EVC2: variants seen among roughly 807,000 people sequenced by gnomAD.
EVC2 encodes the protein limbin.
Under a neutral mutation model 149.3 loss-of-function variants are expected in EVC2, and 148 were observed. That is an observed-to-expected ratio of 0.99 (90% confidence interval 0.87 to 1.14). The LOEUF (loss-of-function observed/expected upper bound fraction) is 1.14. Ranked by LOEUF, EVC2 falls within the 50% of genes most tolerant of loss-of-function variation. The probability of loss-of-function intolerance (pLI) is 0.00; values close to 1 mark genes in which losing one functional copy is unlikely to be tolerated. For missense variants in EVC2, 1,854 were observed against 1,627.3 expected, an observed-to-expected ratio of 1.14 and a Z score of -2.40; for synonymous variants, 776 against 649.9, an observed-to-expected ratio of 1.19 and a Z score of -2.95.
chr4:5,600,559 G>A (rs974548075), intron 16 of EVC2, among the ~76,000 whole-genome samples: 3 of 152,130 alleles, frequency 2.0e-5, no homozygotes, highest in African/African-American at 7.2e-5. Context: ...AATGAGAGAG[G>A]AAACAACAGT....
intron 9 of EVC2, among the ~76,000 whole-genome samples, chr4:5,650,604 CATAT>C (rs66673359): frequency 0.038 from 2,013 of 52,660 alleles, 32 homozygotes; most frequent in South Asian, 0.064. Context: ...TTTTAATCGC[CATAT>C]ATATATATAT....
At chr4:5,658,013 T>C (rs1336815441) in intron 9 of EVC2, among the ~76,000 whole-genome samples, 1 of 152,120 alleles carries the variant, frequency 6.6e-6, no homozygotes, top group African/African-American at 2.4e-5. Context: ...ATTAGAAGCA[T>C]CCTCTCCAAG....
intron 7 of EVC2, among the ~76,000 whole-genome samples, chr4:5,672,714 CTG>C (rs1719727679): frequency 6.6e-6 from 1 of 152,218 alleles, no homozygotes; most frequent in Non-Finnish European, 1.5e-5. Context: ...GAACAAAAAT[CTG>C]TACTCGAATG....
rs199853556 is a variant in EVC2, at chr4:5,681,146, A to G, written c.870+114T>C. ...CTGCACAGAGTCCCAGTCTCAACGC[A>G]TAACTGGGGGACCAAGGCCAGCAGC... On this transcript the variant is annotated intron_variant, in intron 7 of 21. Coordinates refer to ENST00000344408, the MANE Select transcript of EVC2 (RefSeq NM_147127.5). 2.5e-6 allele frequency: 3 copies of G among 1,203,610 alleles called. No homozygotes were observed. The East Asian group carries it at 7.0e-5, about 28-fold the overall frequency. 74.6% of individuals were successfully genotyped at this position (1,203,610 alleles called of 1,614,324 possible).
intron 7 of EVC2, among the ~76,000 whole-genome samples, chr4:5,674,576 G>A (rs1040702093): frequency 6.6e-6 from 1 of 152,148 alleles, no homozygotes; most frequent in African/African-American, 2.4e-5. Context: ...AGCTGGCCAG[G>A]GGAGGGCTCG....
intron 16 of EVC2, among the ~76,000 whole-genome samples, chr4:5,591,712 T>C (rs2108797358): frequency 6.6e-6 from 1 of 152,350 alleles, no homozygotes; most frequent in East Asian, 1.9e-4. Context: ...AGTTTGTTAG[T>C]TCCAGCACCA....
At chr4:5,595,801 T>C (rs897342674) in intron 16 of EVC2, among the ~76,000 whole-genome samples, 3 of 152,208 alleles carry the variant, frequency 2.0e-5, no homozygotes, top group Non-Finnish European at 4.4e-5. Flanking sequence ...AAGACCCATC[T>C]GTGTGCTGTA....
chr4:5,687,062 G>A (rs1720768342), intron 5 of EVC2, among the ~76,000 whole-genome samples: 1 of 151,962 alleles, frequency 6.6e-6, no homozygotes, highest in African/African-American at 2.4e-5. Flanking sequence ...TTCGTGACCA[G>A]CCTGGGCAAT....
rs1297142587 is a variant in EVC2 at position 5,567,501 on chromosome 4, C to CTGCATCCTGGTGCAATGTT, written c.3557+924_3557+942dup. On this transcript the variant is annotated intron_variant, in intron 20 of 21. Transcript: ENST00000344408. The surrounding 1 kb of genome is among the most constrained non-coding windows in gnomAD (Gnocchi z 4.4). Reference sequence around the variant, plus strand: ...TGCATCCTTGCTGAGGCTGTGAGCTCTGCATCCTGGTGCAATGTTTTCATC... The same window carrying CTGCATCCTGGTGCAATGTT: ...TGCATCCTTGCTGAGGCTGTGAGCTCTGCATCCTGGTGCAATGTTTGCATCCTGGTGCAATGTTTTCATC... Among the ~76,000 whole-genome samples the CTGCATCCTGGTGCAATGTT allele has an allele frequency of 6.6e-6, 1 of 152,182 alleles. No homozygotes were observed.
chr4:5,608,572 C>T lies in EVC2; in HGVS notation c.2829+6850G>A, dbSNP rs114359311. Among the ~76,000 whole-genome samples, 976 of 150,936 alleles carry T rather than the reference C, an allele frequency of 6.5e-3. 8 individuals are homozygous for T. Among genetic ancestry groups the T allele is most frequent in the African/African-American group, 0.022 (903 of 41,078 alleles). ...TTAATGAGACAGAGTCTCGGTCGGT[C>T]GTCCAGGCTGGAGTGCAATGGCGCA... On this transcript the variant is annotated intron_variant, in intron 16 of 21. Coordinates refer to ENST00000344408, the MANE Select transcript of EVC2 (RefSeq NM_147127.5).
intron 3 of EVC2, among the ~76,000 whole-genome samples, chr4:5,693,334 T>C (rs556824857): frequency 6.6e-6 from 1 of 152,320 alleles, no homozygotes; most frequent in East Asian, 1.9e-4. Flanking sequence ...GAAGATGTAA[T>C]TAAACTAAGG....
chr4:5,620,824 G>A (rs537284095), intron 14 of EVC2, among the ~76,000 whole-genome samples: 1 of 152,312 alleles, frequency 6.6e-6, no homozygotes, highest in African/African-American at 2.4e-5. Flanking sequence ...CTGGTAATAG[G>A]AATGCCAAAG....
chr4:5,694,335 CA>C lies in EVC2; in HGVS notation c.449del (p.Leu150ArgfsTer17), dbSNP rs1308566542. ...TTAAAGCATTGAACTTAATACTTAC[CA>C]GGCGGTGTGTTATAGGAGACTCTCT... Reference protein sequence around the residue: ...FKRESPITHRLYGDISREVQG... With the variant: ...FKRESPITHRXYGDISREVQG... On this transcript the variant is annotated frameshift_variant and splice_region_variant, in exon 3 of 22. Coordinates refer to ENST00000344408, the MANE Select transcript of EVC2 (RefSeq NM_147127.5). LOFTEE classifies it high-confidence loss of function. 1 of 1,613,784 alleles carries C rather than the reference CA, an allele frequency of 6.2e-7. No homozygotes were observed. Among genetic ancestry groups the C allele is most frequent in the Non-Finnish European group, 8.5e-7 (1 of 1,179,884 alleles).
rs573630109 is a variant in EVC2, at chr4:5,583,072, G to C, written c.3057+1551C>G. Reference sequence around the variant, plus strand: ...CAGGGTATTTCTTATAGCAATGCAAGAACAGACTAATATAAAGACATATTC... The same window carrying C: ...CAGGGTATTTCTTATAGCAATGCAACAACAGACTAATATAAAGACATATTC... On this transcript the variant is annotated intron_variant, in intron 17 of 21. Transcript: ENST00000344408. 2.6e-5 allele frequency among the ~76,000 whole-genome samples: 4 copies of C among 152,090 alleles called. No individual in the cohort carries two copies. In the East Asian group the frequency reaches 7.7e-4, roughly 29 times the overall value.
intron 12 of EVC2, among the ~76,000 whole-genome samples, chr4:5,628,208 A>G (rs1716257599): frequency 6.6e-6 from 1 of 152,046 alleles, no homozygotes; most frequent in Non-Finnish European, 1.5e-5. Context: ...CACCTTCAAA[A>G]CTTGAAATTT....
Position 5,691,339 on chromosome 4 carries a change from A to G in EVC2, c.451-6T>C. On this transcript the variant is annotated splice_region_variant and splice_polypyrimidine_tract_variant and intron_variant, in intron 3 of 21. Transcript: ENST00000344408. ...TCTCTTGAAATGTCCCCATACTACA[A>G]TAAAATGTAAAAGTTATTAGAAAAT... The G allele has an allele frequency of 1.9e-6, 3 of 1,606,740 alleles. No individual in the cohort carries two copies. Among genetic ancestry groups the G allele is most frequent in the Non-Finnish European group, 2.6e-6 (3 of 1,173,648 alleles).
At chr4:5,654,424 T>C (rs1349159648) in intron 9 of EVC2, among the ~76,000 whole-genome samples, 1 of 152,220 alleles carries the variant, frequency 6.6e-6, no homozygotes, top group Non-Finnish European at 1.5e-5. Flanking sequence ...AGGGGACCTC[T>C]CACTGGAGAC....
intron 7 of EVC2, among the ~76,000 whole-genome samples, chr4:5,675,481 G>A (rs560368698): frequency 2.3e-4 from 35 of 152,264 alleles, no homozygotes; most frequent in African/African-American, 5.3e-4. Flanking sequence ...GATGTTTCTC[G>A]TAGCAGTCAA....
chr4:5,529,573 T>C, the EVC2 span, among the ~76,000 whole-genome samples: 2 of 152,180 alleles, frequency 1.3e-5, no homozygotes, highest in Non-Finnish European at 2.9e-5. This position sits in a 1 kb window ranked among gnomAD's most constrained non-coding sequence, Gnocchi z 4.5. Flanking sequence ...TAAGAACATA[T>C]CTTAAAACAT....
Sources: gnomAD v4.1 joint callset for allele counts (sites outside exome capture counted in the v4.1 genomes callset) on GRCh38, gnomAD v4.1.1 for gene constraint, Gnocchi (gnomAD v3.1) non-coding constraint, MANE v1.5 for transcripts, NCBI Gene and HGNC (gene_info 2026-07-23, HGNC 2026-07-21) for gene names.